The following UBAC2 variants were observed in gnomAD, a reference collection of about 807,000 sequenced individuals.
UBAC2 encodes the protein ubiquitin-associated domain-containing protein 2.
A neutral mutation model predicts 44.0 loss-of-function variants in UBAC2; 26 were observed. The observed-to-expected ratio is 0.59, with a 90% CI of 0.43 to 0.82. The LOEUF (loss-of-function observed/expected upper bound fraction) is 0.82. Ranked by LOEUF, UBAC2 falls within the 40% of genes least tolerant of loss-of-function variation. The pLI, the probability that UBAC2 is intolerant of heterozygous loss-of-function variation, is 0.00. For missense variants in UBAC2, 329 were observed against 419.4 expected (o/e 0.78, Z 1.88); for synonymous variants, 155 against 154.3 (o/e 1.00, Z -0.04).
chr13:99,300,682 T>C (rs184403399), intron 4 of UBAC2, among the ~76,000 whole-genome samples: 42 of 152,332 alleles, frequency 2.8e-4, no homozygotes, highest in African/African-American at 1.0e-3. Flanking sequence ...AATACAGAGA[T>C]GGTACCTTTT....
At chr13:99,358,046 G>A (rs1413401211) in intron 7 of UBAC2, among the ~76,000 whole-genome samples, 1 of 152,190 alleles carries the variant, frequency 6.6e-6, no homozygotes, top group African/African-American at 2.4e-5. Flanking sequence ...AAGTGAAATG[G>A]GATGTGCTGA....
intron 1 of UBAC2, among the ~76,000 whole-genome samples, chr13:99,207,324 A>C (rs537866051): frequency 6.6e-6 from 1 of 152,336 alleles, no homozygotes; most frequent in East Asian, 1.9e-4. Context: ...TTGCCATAGT[A>C]ACTACTCAGG....
At chr13:99,213,370 GT>G (rs940897653) in intron 1 of UBAC2, among the ~76,000 whole-genome samples, 1 of 149,768 alleles carries the variant, frequency 6.7e-6, no homozygotes, top group African/African-American at 2.5e-5. Context: ...CTTTTTTTTT[GT>G]TTTTTTTGAG....
At chr13:99,363,335 C>G (rs1235132612) in intron 7 of UBAC2, among the ~76,000 whole-genome samples, 1 of 152,176 alleles carries the variant, frequency 6.6e-6, no homozygotes, top group Non-Finnish European at 1.5e-5. Flanking sequence ...TTCAAGTAGT[C>G]TAGTCCCACC....
chr13:99,374,441 A>G (rs1401849704), intron 8 of UBAC2, among the ~76,000 whole-genome samples: 1 of 152,204 alleles, frequency 6.6e-6, no homozygotes, highest in Non-Finnish European at 1.5e-5. Context: ...AATTTTGGTC[A>G]ATTCACATGA....
Position 99,237,254 on chromosome 13 carries a change from G to A in UBAC2, c.32-1173G>A, listed in dbSNP as rs193275864. On this transcript the variant is annotated intron_variant, in intron 1 of 8. Coordinates refer to ENST00000403766, the MANE Select transcript of UBAC2 (RefSeq NM_001144072.2). ...ATGATAGATAAAGAAAATTTTATGC[G>A]TATATATATATATATATACACACAC... Among the ~76,000 whole-genome samples, 321 of 136,494 alleles carry A rather than the reference G, an allele frequency of 2.4e-3. 4 individuals are homozygous for A. Among genetic ancestry groups the A allele is most frequent in the African/African-American group, 7.9e-3 (299 of 37,786 alleles). 89.5% of individuals were successfully genotyped at this position (136,494 alleles called of 152,430 possible). A position where few individuals can be genotyped will look rare whatever the true frequency, so the allele number is the denominator to read the frequency against.
chr13:99,381,052 T>C (rs1038286565), intron 8 of UBAC2, among the ~76,000 whole-genome samples: 1 of 152,264 alleles, frequency 6.6e-6, no homozygotes, highest in South Asian at 2.1e-4. Context: ...ATGTCGTTCA[T>C]GTCTGAGAGA....
At chr13:99,380,626 C>T (rs1656426520) in intron 8 of UBAC2, among the ~76,000 whole-genome samples, 1 of 152,210 alleles carries the variant, frequency 6.6e-6, no homozygotes, top group African/African-American at 2.4e-5. Context: ...GAACACCTAT[C>T]CCCTGACCCT....
At chr13:99,201,190 C>G (rs2042792134) in intron 1 of UBAC2, 8 of 1,398,378 alleles carry the variant, frequency 5.7e-6, no homozygotes, top group Non-Finnish European at 7.5e-6. Context: ...CCCAGGTGCT[C>G]TGCCCAGGAG....
intron 4 of UBAC2, among the ~76,000 whole-genome samples, chr13:99,296,624 A>T (rs1317763863): frequency 4.6e-5 from 7 of 152,198 alleles, no homozygotes; most frequent in Non-Finnish European, 8.8e-5. Flanking sequence ...TATCACTGCC[A>T]GGAAATGAAA....
intron 4 of UBAC2, among the ~76,000 whole-genome samples, chr13:99,252,419 C>T (rs72648088): frequency 0.067 from 10,214 of 152,302 alleles, 490 homozygotes; most frequent in East Asian, 0.13. Flanking sequence ...CCCAGTAAGA[C>T]TGTAAGGGAA....
At chr13:99,249,554 C>T (rs2043432714) in intron 4 of UBAC2, among the ~76,000 whole-genome samples, 1 of 152,216 alleles carries the variant, frequency 6.6e-6, no homozygotes, top group Non-Finnish European at 1.5e-5. Flanking sequence ...TGGCTACGTA[C>T]TCAGTAGTGG....
intron 7 of UBAC2, among the ~76,000 whole-genome samples, chr13:99,348,984 A>T (rs374108017): frequency 6.6e-6 from 1 of 152,194 alleles, no homozygotes; most frequent in South Asian, 2.1e-4. Flanking sequence ...AGAAAAGAAA[A>T]GGTGACACTA....
intron 4 of UBAC2, among the ~76,000 whole-genome samples, chr13:99,285,276 C>G (rs1473089429): frequency 6.6e-6 from 1 of 152,020 alleles, no homozygotes; most frequent in African/African-American, 2.4e-5. Context: ...GCTGCTCCTC[C>G]TGCTCCTCCT....
chr13:99,214,223 G>GTTTTT (rs143401786), intron 1 of UBAC2, among the ~76,000 whole-genome samples: 8 of 125,662 alleles, frequency 6.4e-5, no homozygotes, highest in Non-Finnish European at 8.6e-5. Flanking sequence ...TCTTTGGTTT[G>GTTTTT]TTTTTTTTTT....
intron 1 of UBAC2, among the ~76,000 whole-genome samples, chr13:99,214,312 C>G (rs12876442): frequency 0.05 from 7,501 of 150,844 alleles, 271 homozygotes; most frequent in Middle Eastern, 0.14. Context: ...TCTTGCTTGG[C>G]CGTTCTTGTG....
chr13:99,314,089 T>C lies in UBAC2; in HGVS notation c.390-8T>C. The C allele has an allele frequency of 6.3e-7, 1 of 1,594,190 alleles. No individual in the cohort carries two copies. The highest frequency in any genetic ancestry group is 8.5e-7 in the Non-Finnish European group (1 of 1,173,286). On this transcript the variant is annotated splice_polypyrimidine_tract_variant and splice_region_variant and intron_variant, in intron 4 of 8. Transcript: ENST00000403766. ...ATTATAGTGATTTTTTTTTATTTGT[T>C]TGCATAGCCTGGCACCTGTGTTTGC...
intron 5 of UBAC2, among the ~76,000 whole-genome samples, chr13:99,316,399 TTGAATGAA>T (rs568962794): frequency 3.3e-4 from 50 of 152,214 alleles, no homozygotes; most frequent in Admixed American, 9.8e-4. Flanking sequence ...AGGGACATTG[TTGAATGAA>T]TGAATGAATG....
At chr13:99,312,489 G>A (rs545793581) in intron 4 of UBAC2, among the ~76,000 whole-genome samples, 1 of 152,174 alleles carries the variant, frequency 6.6e-6, no homozygotes, top group Admixed American at 6.5e-5. Flanking sequence ...CCTGTGATGA[G>A]TTCCTTGAGG....
Sources: allele counts gnomAD v4.1 joint callset (sites outside exome capture counted in the v4.1 genomes callset), GRCh38; gene constraint gnomAD v4.1.1; transcripts MANE v1.5; gene names NCBI Gene and HGNC (gene_info 2026-07-23, HGNC 2026-07-21).